NDFIP1: variants seen among roughly 807,000 people sequenced by gnomAD.
NDFIP1 encodes the protein Nedd4 family interacting protein 1, also known as NEDD4 family-interacting protein 1.
NDFIP1 carries 7 observed loss-of-function variants against 28.8 expected under a neutral mutation model. The observed-to-expected ratio is 0.24, with a 90% CI of 0.14 to 0.46. The LOEUF is 0.46. NDFIP1 is among the 20% of genes least tolerant of loss of function. The probability of loss-of-function intolerance (pLI) is 0.99; values close to 1 mark genes in which losing one functional copy is unlikely to be tolerated. For missense variants in NDFIP1, 194 were observed against 269.1 expected, an observed-to-expected ratio of 0.72 and a Z score of 1.95; for synonymous variants, 92 against 101.0, an observed-to-expected ratio of 0.91 and a Z score of 0.53.
rs187678345 is a variant in NDFIP1 at position 142,141,378 on chromosome 5, G to A, written c.562+749G>A. Among the ~76,000 whole-genome samples, 557 of 151,642 alleles carry A rather than the reference G, an allele frequency of 3.7e-3. 3 individuals carry two copies. The highest frequency in any genetic ancestry group is 0.013 in the African/African-American group (537 of 41,362). On this transcript the variant is annotated intron_variant, in intron 6 of 7. Transcript: ENST00000253814. ...TTTTTAGTAGAGACGGGGTTTTACC[G>A]TGTTGGCCAGGATGGTCTCGATCTC...
Position 142,147,546 on chromosome 5 carries a change from G to C in NDFIP1, c.*2+2870G>C, listed in dbSNP as rs979222665. 5.3e-5 allele frequency among the ~76,000 whole-genome samples: 8 copies of C among 152,016 alleles called. 1 individual carries two copies. In the South Asian group the frequency reaches 1.5e-3, roughly 28 times the overall value. ...TTGATGGATTTTTCTCTTGACTCTG[G>C]GTTACATTTTCCTGTTTTTACACAC... On this transcript the variant is annotated intron_variant, in intron 7 of 7. Transcript: ENST00000253814.
intron 1 of NDFIP1, among the ~76,000 whole-genome samples, chr5:142,123,247 G>A (rs1358370878): frequency 6.6e-6 from 1 of 151,912 alleles, no homozygotes; most frequent in African/African-American, 2.4e-5. Context: ...ACAGGCATGA[G>A]CCACTGTGCC....
chr5:142,114,717 T>G (rs1757048444), intron 1 of NDFIP1, among the ~76,000 whole-genome samples: 1 of 152,214 alleles, frequency 6.6e-6, no homozygotes, highest in Non-Finnish European at 1.5e-5. Flanking sequence ...TCTCTTGTAA[T>G]CTGTGAGGAG....
intron 5 of NDFIP1, among the ~76,000 whole-genome samples, chr5:142,138,636 G>C (rs1757297642): frequency 6.6e-6 from 1 of 152,050 alleles, no homozygotes; most frequent in Non-Finnish European, 1.5e-5. Context: ...AACGTTTTTA[G>C]GGTTCCAGAA....
Position 142,120,365 on chromosome 5 carries a change from G to C in NDFIP1, c.63+11328G>C, listed in dbSNP as rs150087721. Among the ~76,000 whole-genome samples the C allele has an allele frequency of 2.7e-4, 41 of 152,216 alleles. No individual in the cohort carries two copies. The East Asian group carries it at 4.6e-3, about 17-fold the overall frequency. ...TCACTTGTACTTCTACCAGTACCTGGTGCCACCAGTTCTTGAGCTTTTGGG... is the reference window on the plus strand; with the variant it reads ...TCACTTGTACTTCTACCAGTACCTGCTGCCACCAGTTCTTGAGCTTTTGGG... On this transcript the variant is annotated intron_variant, in intron 1 of 7. Transcript: ENST00000253814.
chr5:142,129,560 T>C (rs1010546713), intron 1 of NDFIP1, among the ~76,000 whole-genome samples: 2 of 152,154 alleles, frequency 1.3e-5, no homozygotes, highest in African/African-American at 4.8e-5. Context: ...TTTTGTAGTA[T>C]TAGTCAGAAA....
chr5:142,134,153 A>G (rs1757252064), intron 3 of NDFIP1: 1 of 152,236 alleles, frequency 6.6e-6, no homozygotes, highest in East Asian at 1.9e-4. Flanking sequence ...TGTAGCTTTT[A>G]GAGAATCCTT....
chr5:142,127,909 T>C (rs1449369532), intron 1 of NDFIP1, among the ~76,000 whole-genome samples: 1 of 152,166 alleles, frequency 6.6e-6, no homozygotes, highest in African/African-American at 2.4e-5. Context: ...TGAGCCAAGA[T>C]GGTACCACTG....
At chr5:142,116,080 G>A (rs772346729) in intron 1 of NDFIP1, among the ~76,000 whole-genome samples, 1 of 152,080 alleles carries the variant, frequency 6.6e-6, no homozygotes, top group Non-Finnish European at 1.5e-5. Flanking sequence ...AATTCCCAGT[G>A]GATACTGAGG....
Position 142,144,555 on chromosome 5 carries a change from T to C in NDFIP1, c.563-16T>C. ...GAAATTATAAATTCATTCATGACTT[T>C]TCTTTTTTAAATTAGGCTTTCTCCT... On this transcript the variant is annotated splice_polypyrimidine_tract_variant and intron_variant, in intron 6 of 7. Coordinates refer to ENST00000253814, the MANE Select transcript of NDFIP1 (RefSeq NM_030571.4). 1 of 1,571,416 alleles carries C rather than the reference T, an allele frequency of 6.4e-7. No individual in the cohort carries two copies. The highest frequency in any genetic ancestry group is 8.7e-7 in the Non-Finnish European group (1 of 1,150,096).
intron 1 of NDFIP1, among the ~76,000 whole-genome samples, chr5:142,110,855 A>G (rs63167561): frequency 5.7e-5 from 1 of 17,572 alleles, no homozygotes; most frequent in Admixed American, 5.3e-4. Context: ...ATTTACATCC[A>G]TTTTTTTTTT....
At chr5:142,148,804 C>G (rs1251459494) in intron 7 of NDFIP1, among the ~76,000 whole-genome samples, 2 of 103,340 alleles carry the variant, frequency 1.9e-5, no homozygotes, top group Non-Finnish European at 4.1e-5. Context: ...GCAGAAGAAA[C>G]AGATACCTGT....
rs1757299793 is a variant in NDFIP1 at position 142,138,883 on chromosome 5, T to TC, written c.495+1025_495+1026insC. Reference sequence around the variant, plus strand: ...AAGAGAAATAAAATTAATTCCAGTCTTTTTTTTTTTTCAAACTAAATTTTC... The same window carrying TC: ...AAGAGAAATAAAATTAATTCCAGTCTCTTTTTTTTTTTCAAACTAAATTTTC... On this transcript the variant is annotated intron_variant, in intron 5 of 7. Transcript: ENST00000253814. Among the ~76,000 whole-genome samples, 3 of 880 alleles carry TC rather than the reference T, an allele frequency of 3.4e-3. No individual in the cohort carries two copies. In the Admixed American group the frequency reaches 0.034, roughly 10 times the overall value. 0.6% of individuals were successfully genotyped at this position (880 alleles called of 152,430 possible).
In NDFIP1 at chr5:142,152,124, T is replaced by G. The variant is rs1475133033; in HGVS notation, c.*396T>G. 2 of 152,816 alleles carry G rather than the reference T, an allele frequency of 1.3e-5. No individual in the cohort carries two copies. Among genetic ancestry groups the G allele is most frequent in the African/African-American group, 4.8e-5 (2 of 41,476 alleles). 9.5% of individuals were successfully genotyped at this position (152,816 alleles called of 1,614,324 possible). A position where few individuals can be genotyped will look rare whatever the true frequency, so the allele number is the denominator to read the frequency against. ...GGAATTAAATATTGTAAGATATGTA[T>G]AATGCTGGCCATTTTAAAGGGGTTT... On this transcript the variant is annotated 3_prime_UTR_variant, in exon 8 of 8. Transcript: ENST00000253814.
At chr5:142,134,360 C>G (rs1050719414) in intron 3 of NDFIP1, among the ~76,000 whole-genome samples, 1 of 152,136 alleles carries the variant, frequency 6.6e-6, no homozygotes, top group Admixed American at 6.5e-5. Flanking sequence ...ATGCAAAAAA[C>G]AATTAGCTTT....
At chr5:142,142,615 C>T (rs1205371854) in intron 6 of NDFIP1, among the ~76,000 whole-genome samples, 1 of 152,018 alleles carries the variant, frequency 6.6e-6, no homozygotes, top group African/African-American at 2.4e-5. Flanking sequence ...TTGCTATGTA[C>T]CATTTGCTTG....
intron 1 of NDFIP1, among the ~76,000 whole-genome samples, chr5:142,123,205 G>C (rs2043282): frequency 0.94 from 142,688 of 152,314 alleles, 66,901 homozygotes; most frequent in East Asian, 1. Context: ...TCAAGTGATC[G>C]TCCCACCTCG....
Position 142,141,864 on chromosome 5 carries a change from C to T in NDFIP1, c.562+1235C>T, listed in dbSNP as rs145938423. Among the ~76,000 whole-genome samples the T allele has an allele frequency of 2.6e-3, 396 of 152,238 alleles. 3 individuals are homozygous for T. Among genetic ancestry groups the T allele is most frequent in the African/African-American group, 9.3e-3 (385 of 41,536 alleles). ...TGAGGACCTGGGCCAGGCATGGTGG[C>T]TCACGCCTGTAATCCCAGCATTTTG... On this transcript the variant is annotated intron_variant, in intron 6 of 7. Transcript: ENST00000253814.
intron 1 of NDFIP1, among the ~76,000 whole-genome samples, chr5:142,117,074 T>C (rs1757076017): frequency 6.6e-6 from 1 of 152,138 alleles, no homozygotes; most frequent in Admixed American, 6.6e-5. Flanking sequence ...TGACCATTTT[T>C]CTGTTTTTGT....
Sources: gnomAD v4.1 joint callset for allele counts (sites outside exome capture counted in the v4.1 genomes callset) on GRCh38, gnomAD v4.1.1 for gene constraint, MANE v1.5 for transcripts, NCBI Gene and HGNC (gene_info 2026-07-23, HGNC 2026-07-21) for gene names.